PTGFRN: variants seen among roughly 807,000 people sequenced by gnomAD.
The protein encoded by PTGFRN is prostaglandin F2 receptor negative regulator.
A neutral mutation model predicts 83.2 loss-of-function variants in PTGFRN; 35 were observed. That is an observed-to-expected ratio of 0.42 (90% CI 0.32 to 0.56). The LOEUF (loss-of-function observed/expected upper bound fraction) is 0.56. Ranked by LOEUF, PTGFRN falls within the 20% of genes least tolerant of loss-of-function variation. The probability of loss-of-function intolerance (pLI) is 0.11; values close to 1 mark genes in which losing one functional copy is unlikely to be tolerated. For synonymous variants in PTGFRN, 519 were observed against 498.6 expected, an observed-to-expected ratio of 1.04 and a Z score of -0.55; for missense variants, 1,051 against 1,179.5, an observed-to-expected ratio of 0.89 and a Z score of 1.60.
chr1:116,954,611 T>A (rs921923130), intron 4 of PTGFRN, among the ~76,000 whole-genome samples: 1 of 152,224 alleles, frequency 6.6e-6, no homozygotes, highest in African/African-American at 2.4e-5. Flanking sequence ...TCAGCTGTTG[T>A]CATCACTCTT....
chr1:116,959,373 C>T (rs899772748), intron 4 of PTGFRN, among the ~76,000 whole-genome samples: 4 of 152,178 alleles, frequency 2.6e-5, no homozygotes, highest in Non-Finnish European at 5.9e-5. Flanking sequence ...TGGATGGGCA[C>T]AAGCAATTAA....
Position 116,988,213 on chromosome 1 carries a change from T to A in PTGFRN, c.*1246T>A, listed in dbSNP as rs1392226140. On this transcript the variant is annotated 3_prime_UTR_variant, in exon 9 of 9. Transcript: ENST00000393203. Reference sequence around the variant, plus strand: ...GTGAGAAAGGGTATACTTTGTGGTATGTTTTGCTTTCCTAATAGGGACATG... The same window carrying A: ...GTGAGAAAGGGTATACTTTGTGGTAAGTTTTGCTTTCCTAATAGGGACATG... 6.6e-6 allele frequency: 1 copy of A among 152,244 alleles called. No homozygotes were observed. Among genetic ancestry groups the A allele is most frequent in the African/African-American group, 2.4e-5 (1 of 41,440 alleles). The allele number at this position is 152,244 out of a possible 1,614,324, so 9.4% of individuals were successfully genotyped here. A position where few individuals can be genotyped will look rare whatever the true frequency, so the allele number is the denominator to read the frequency against.
intron 4 of PTGFRN, among the ~76,000 whole-genome samples, chr1:116,953,461 C>T (rs917636501): frequency 7.9e-5 from 12 of 151,992 alleles, no homozygotes; most frequent in African/African-American, 2.7e-4. Flanking sequence ...GGTATGTTGC[C>T]TCGGGTGTGT....
rs1649578628 is a variant in PTGFRN at position 116,923,154 on chromosome 1, T to C, written c.49+12902T>C. ...AGCAGCTCGAAAGCAGGATCATGTC[T>C]GTTTTTGCTTACCCCAGCATGTAGG... is the stretch of plus-strand genomic sequence containing the variant. On this transcript the variant is annotated intron_variant, in intron 1 of 8. Coordinates refer to ENST00000393203, the MANE Select transcript of PTGFRN (RefSeq NM_020440.4). The surrounding 1 kb of genome is among the most constrained non-coding windows in gnomAD (Gnocchi z 4.0). 6.6e-6 allele frequency among the ~76,000 whole-genome samples: 1 copy of C among 152,232 alleles called. No homozygotes were observed. The highest frequency in any genetic ancestry group is 2.1e-4 in the South Asian group (1 of 4,830).
intron 2 of PTGFRN, among the ~76,000 whole-genome samples, chr1:116,943,006 A>G (rs1650097966): frequency 6.6e-6 from 1 of 152,210 alleles, no homozygotes. Context: ...AATTGTTGTT[A>G]TTGTTACTTA....
intron 3 of PTGFRN, among the ~76,000 whole-genome samples, chr1:116,948,454 T>G (rs1228110123): frequency 6.6e-6 from 1 of 152,226 alleles, no homozygotes. Flanking sequence ...GTTTTATGAT[T>G]GGCTTTTATG....
chr1:116,919,233 G>A (rs1273413483), intron 1 of PTGFRN, among the ~76,000 whole-genome samples: 1 of 152,176 alleles, frequency 6.6e-6, no homozygotes, highest in Non-Finnish European at 1.5e-5. Flanking sequence ...AGAAGCATTA[G>A]CCCTAGGCGT....
chr1:116,940,946 C>A (rs1055369412), intron 1 of PTGFRN, among the ~76,000 whole-genome samples: 1 of 152,134 alleles, frequency 6.6e-6, no homozygotes, highest in South Asian at 2.1e-4. Flanking sequence ...CCAGAGAGGG[C>A]TGGGAATTGC....
rs747145373 is a variant in PTGFRN at position 116,941,730 on chromosome 1, G to T, written c.65G>T (p.Arg22Leu). ...ALLSLALCRG[R>L]VVRVPTATLV... ...ATCATTGCAGCTCTTTGCCGAGGGC[G>T]TGTGGTGAGAGTCCCCACAGCGACC... Residue 22 changes from arginine to leucine, a missense_variant, in exon 2 of 9, where the codon CGT (arginine) becomes CTT (leucine). By Grantham distance (102) the Arg-to-Leu change is moderately radical. Around this residue, in one of 3 missense-constraint regions of PTGFRN, gnomAD observed 127 missense variants for 168.4 expected, o/e 0.75. Coordinates refer to ENST00000393203, the MANE Select transcript of PTGFRN (RefSeq NM_020440.4). This position sits in a 1 kb window ranked among gnomAD's most constrained non-coding sequence, Gnocchi z 5.0. 2 of 1,612,236 alleles carry T rather than the reference G, an allele frequency of 1.2e-6. No homozygotes were observed. Among genetic ancestry groups the T allele is most frequent in the South Asian group, 2.2e-5 (2 of 90,980 alleles).
At chr1:116,983,871 G>C (rs1440888308) in intron 7 of PTGFRN, among the ~76,000 whole-genome samples, 1 of 152,170 alleles carries the variant, frequency 6.6e-6, no homozygotes, top group African/African-American at 2.4e-5. Context: ...AGCTGATAAT[G>C]GTTGGTACCA....
chr1:116,976,559 G>T (rs1342853662), intron 7 of PTGFRN, among the ~76,000 whole-genome samples: 1 of 152,156 alleles, frequency 6.6e-6, no homozygotes. Flanking sequence ...AGAGAGTCGG[G>T]GCCAATATTT....
Position 116,987,451 on chromosome 1 carries a change from G to A in PTGFRN, c.*484G>A, listed in dbSNP as rs928325828. 1 of 165,104 alleles carries A rather than the reference G, an allele frequency of 6.1e-6. No individual in the cohort carries two copies. The highest frequency in any genetic ancestry group is 5.9e-5 in the Admixed American group (1 of 16,850). The allele number at this position is 165,104 out of a possible 1,614,324, so 10.2% of individuals were successfully genotyped here. The stretch of plus-strand genomic sequence containing the variant: ...CTCTACCCGGCTGACAGACAACACA[G>A]ACCTGTGCCGAAGGCTAATTTGTGG... On this transcript the variant is annotated 3_prime_UTR_variant, in exon 9 of 9. Coordinates refer to ENST00000393203, the MANE Select transcript of PTGFRN (RefSeq NM_020440.4).
intron 1 of PTGFRN, among the ~76,000 whole-genome samples, chr1:116,921,274 G>A (rs111869369): frequency 1.3e-5 from 2 of 152,196 alleles, no homozygotes; most frequent in African/African-American, 2.4e-5. Flanking sequence ...GTACTGAGAA[G>A]CGAATATTAG....
chr1:116,975,125 T>C (rs1312350155), intron 7 of PTGFRN, among the ~76,000 whole-genome samples: 2 of 152,172 alleles, frequency 1.3e-5, no homozygotes, highest in Non-Finnish European at 2.9e-5. Flanking sequence ...CCTCGCTCAT[T>C]GCTAGCACGG....
chr1:116,910,900 C>CA (rs1232406494), intron 1 of PTGFRN, among the ~76,000 whole-genome samples: 1 of 152,200 alleles, frequency 6.6e-6, no homozygotes, highest in Admixed American at 6.5e-5. Flanking sequence ...TATTTATACA[C>CA]AAAGACCTAA....
chr1:116,916,121 A>G (rs761900717), intron 1 of PTGFRN, among the ~76,000 whole-genome samples: 6 of 152,302 alleles, frequency 3.9e-5, no homozygotes, highest in Non-Finnish European at 8.8e-5. Flanking sequence ...TTTCTCCACA[A>G]TACTCTGTAT....
chr1:116,922,885 G>C (rs1216142898), intron 1 of PTGFRN, among the ~76,000 whole-genome samples: 14 of 152,174 alleles, frequency 9.2e-5, no homozygotes, highest in Admixed American at 4.6e-4. Flanking sequence ...CACCTTCTTT[G>C]GTTTATATAT....
chr1:116,982,740 G>A (rs983063814), intron 7 of PTGFRN, among the ~76,000 whole-genome samples: 1 of 152,196 alleles, frequency 6.6e-6, no homozygotes, highest in African/African-American at 2.4e-5. Context: ...GCCCACCGGA[G>A]GGAAGGGGAC....
At chr1:116,911,402 A>G (rs60717604) in intron 1 of PTGFRN, among the ~76,000 whole-genome samples, 3,954 of 152,250 alleles carry the variant, frequency 0.026, 197 homozygotes, top group African/African-American at 0.09. Context: ...GAGGCCTTCT[A>G]TAGCTACTCC....
Sources: allele counts gnomAD v4.1 joint callset (sites outside exome capture counted in the v4.1 genomes callset), GRCh38; gene constraint gnomAD v4.1.1; regional missense constraint gnomAD v4.1.1; non-coding constraint Gnocchi (gnomAD v3.1); transcripts MANE v1.5; gene names NCBI Gene and HGNC (gene_info 2026-07-23, HGNC 2026-07-21).